Variants in DSE observed in about 807,000 individuals in gnomAD.
The protein encoded by DSE is dermatan sulfate epimerase, also known as dermatan-sulfate epimerase.
In DSE, 36 loss-of-function variants were observed where a neutral mutation model predicts 84.4. That is an observed-to-expected ratio of 0.43 (90% CI 0.33 to 0.56). DSE has a LOEUF of 0.56. Among genes scored for constraint, DSE ranks in the 20% least tolerant of loss-of-function variants. DSE has a pLI of 0.06. For missense variants in DSE, 862 were observed against 1,169.6 expected (o/e 0.74, Z 3.84); for synonymous variants, 410 against 430.1 (o/e 0.95, Z 0.58).
intron 2 of DSE, among the ~76,000 whole-genome samples, chr6:116,342,954 C>T (rs773944077): frequency 3.9e-5 from 6 of 152,182 alleles, no homozygotes; most frequent in Non-Finnish European, 5.9e-5. Context: ...CCTAATACTG[C>T]GCTTTTCCAA....
intron 2 of DSE, among the ~76,000 whole-genome samples, chr6:116,344,715 A>G (rs763603219): frequency 3.3e-5 from 5 of 152,250 alleles, no homozygotes; most frequent in Admixed American, 2.0e-4. Flanking sequence ...AACTGCATCA[A>G]CTAATGAGCA....
intron 1 of DSE, among the ~76,000 whole-genome samples, chr6:116,257,666 GTGTTT>G (rs202153889): frequency 6.6e-5 from 10 of 152,110 alleles, no homozygotes; most frequent in African/African-American, 1.7e-4. Context: ...TTGTTTTTTT[GTGTTT>G]TGTTTTGTTT....
At chr6:116,318,299 G>T (rs879839597) in intron 2 of DSE, among the ~76,000 whole-genome samples, 31 of 152,294 alleles carry the variant, frequency 2.0e-4, no homozygotes, top group Admixed American at 5.9e-4. Flanking sequence ...AAGGTCAAGA[G>T]ATCGAGACCA....
At chr6:116,336,010 T>G (rs1028076181) in intron 2 of DSE, among the ~76,000 whole-genome samples, 1 of 152,196 alleles carries the variant, frequency 6.6e-6, no homozygotes, top group Non-Finnish European at 1.5e-5. Flanking sequence ...AAACAATGGA[T>G]TCCCATAAAC....
At chr6:116,402,194 G>A (rs1299502978) in intron 2 of DSE, among the ~76,000 whole-genome samples, 1 of 152,140 alleles carries the variant, frequency 6.6e-6, no homozygotes, top group Non-Finnish European at 1.5e-5. Context: ...CCTAAGCTAA[G>A]GATATTTTCT....
chr6:116,325,763 G>A (rs565712637), intron 2 of DSE, among the ~76,000 whole-genome samples: 77 of 152,242 alleles, frequency 5.1e-4, no homozygotes, highest in African/African-American at 1.6e-3. Context: ...GTAGCAGGAC[G>A]AGCCACAGAC....
intron 1 of DSE, 63 bp downstream of exon 1, chr6:116,371,184 CGGGCGGGTAGCCTTCG>C: frequency 2.0e-6 from 2 of 985,514 alleles, no homozygotes; most frequent in Non-Finnish European, 1.2e-6. Context: ...TCGGGAGTTT[CGGGCGGGTAGCCTTCG>C]GGGCTGTCCC....
chr6:116,331,425 A>G (rs1474719144), intron 2 of DSE, among the ~76,000 whole-genome samples: 1 of 152,160 alleles, frequency 6.6e-6, no homozygotes, highest in African/African-American at 2.4e-5. Flanking sequence ...AGCCCCTTAT[A>G]AAACCATCAG....
chr6:116,350,247 GA>G (rs1417489784), intron 2 of DSE, among the ~76,000 whole-genome samples: 1 of 152,194 alleles, frequency 6.6e-6, no homozygotes, highest in Non-Finnish European at 1.5e-5. Flanking sequence ...AACTGCCCAA[GA>G]TGGTATGGTT....
chr6:116,414,402 AT>A (rs1782566586), intron 2 of DSE, among the ~76,000 whole-genome samples: 1 of 140,816 alleles, frequency 7.1e-6, no homozygotes, highest in South Asian at 2.2e-4. Flanking sequence ...AATGAGTGGA[AT>A]ATCAAGTGTT....
Position 116,437,573 on chromosome 6 carries a change from T to G in DSE, c.*228T>G, listed in dbSNP as rs115358868. The G allele has an allele frequency of 5.1e-3, 2,392 of 468,130 alleles. 49 individuals are homozygous for G. Among genetic ancestry groups the G allele is most frequent in the African/African-American group, 0.044 (2,200 of 49,784 alleles). The allele number at this position is 468,130 out of a possible 1,614,324, so 29.0% of individuals were successfully genotyped here. A position where few individuals can be genotyped will look rare whatever the true frequency, so the allele number is the denominator to read the frequency against. ...TGGTCCTATGGTGTTTTTGGAAGTA[T>G]TTGGCATTGCTAATTGAGCAGTCCA... On this transcript the variant is annotated 3_prime_UTR_variant, in exon 6 of 6. Coordinates refer to ENST00000644252, the MANE Select transcript of DSE (RefSeq NM_013352.4).
chr6:116,429,951 CA>C lies in DSE; in HGVS notation c.671-984del, dbSNP rs56696040. 1.3e-3 allele frequency among the ~76,000 whole-genome samples: 20 copies of C among 15,442 alleles called. 2 individuals carry two copies. Among genetic ancestry groups the C allele is most frequent in the East Asian group, 5.1e-3 (5 of 988 alleles). 10.1% of individuals were successfully genotyped at this position (15,442 alleles called of 152,430 possible). ...TGGGCCACAGAGCGAGACTCCGTCT[CA>C]AAAAAAAAAAAAAAAAAAGAAATAT... On this transcript the variant is annotated intron_variant, in intron 3 of 5. Coordinates refer to ENST00000644252, the MANE Select transcript of DSE (RefSeq NM_013352.4).
chr6:116,405,395 A>T (rs1353628270), intron 2 of DSE, among the ~76,000 whole-genome samples: 1 of 152,172 alleles, frequency 6.6e-6, no homozygotes, highest in Non-Finnish European at 1.5e-5. Flanking sequence ...CTTAGCCCAG[A>T]ATGCACCTGG....
At chr6:116,349,431 C>G (rs1430333584) in intron 2 of DSE, among the ~76,000 whole-genome samples, 3 of 152,198 alleles carry the variant, frequency 2.0e-5, no homozygotes, top group African/African-American at 7.2e-5. Flanking sequence ...GACCACTGGA[C>G]CTTTTCTTAT....
chr6:116,283,600 G>A (rs1437924698), intron 2 of DSE, among the ~76,000 whole-genome samples: 8 of 152,048 alleles, frequency 5.3e-5, no homozygotes, highest in Admixed American at 6.6e-5. Context: ...CTGGAGTGCA[G>A]TGGCATGATC....
At chr6:116,391,252 T>C (rs1363564479) in intron 1 of DSE, among the ~76,000 whole-genome samples, 3 of 152,202 alleles carry the variant, frequency 2.0e-5, no homozygotes, top group Non-Finnish European at 4.4e-5. Flanking sequence ...CTGCAGTTAA[T>C]AAAAGCCTGA....
chr6:116,316,336 T>C (rs544553062), intron 2 of DSE, among the ~76,000 whole-genome samples: 2 of 152,232 alleles, frequency 1.3e-5, no homozygotes, highest in Admixed American at 6.5e-5. Context: ...TGATTCTAAA[T>C]GTTAAGTAGG....
chr6:116,257,388 C>G (rs1772188970), intron 1 of DSE: 1 of 152,246 alleles, frequency 6.6e-6, no homozygotes, highest in Admixed American at 6.5e-5. Context: ...ATTCTGCAAC[C>G]TTACACAACC....
chr6:116,262,684 T>C lies in DSE; in HGVS notation c.-54+3717T>C, dbSNP rs1341612944. Among the ~76,000 whole-genome samples, 6 of 152,284 alleles carry C rather than the reference T, an allele frequency of 3.9e-5. 1 individual carries two copies. Among genetic ancestry groups the C allele is most frequent in the Admixed American group, 3.9e-4 (6 of 15,292 alleles). On this transcript the variant is annotated intron_variant, in intron 2 of 3. Transcript: ENST00000430252. ...GGATTTGTTTGCTCCTGGTTCTCTATTTCTTCTAGTTGTGATATTAGGTTT... is the reference window on the plus strand; with the variant it reads ...GGATTTGTTTGCTCCTGGTTCTCTACTTCTTCTAGTTGTGATATTAGGTTT...
Sources: gnomAD v4.1 joint callset for allele counts (sites outside exome capture counted in the v4.1 genomes callset) on GRCh38, gnomAD v4.1.1 for gene constraint, MANE v1.5 for transcripts, NCBI Gene and HGNC (gene_info 2026-07-23, HGNC 2026-07-21) for gene names.